MIS18A: variants seen among roughly 807,000 people sequenced by gnomAD.
The protein encoded by MIS18A is protein Mis18-alpha.
A neutral mutation model predicts 25.0 loss-of-function variants in MIS18A; 14 were observed. The observed-to-expected ratio is 0.56, with a 90% confidence interval of 0.37 to 0.88. MIS18A has a LOEUF of 0.88. Among genes scored for constraint, MIS18A ranks in the 40% least tolerant of loss-of-function variants. The pLI is 0.00. For missense variants in MIS18A, 292 were observed against 290.8 expected, an observed-to-expected ratio of 1.00 and a Z score of -0.03; for synonymous variants, 134 against 118.6, an observed-to-expected ratio of 1.13 and a Z score of -0.84.
the MIS18A span, among the ~76,000 whole-genome samples, chr21:32,242,658 AT>A: frequency 1.6e-3 from 246 of 152,094 alleles, no homozygotes; most frequent in African/African-American, 5.7e-3. Context: ...ATCATTAGTC[AT>A]TTTTTTCCCC....
the MIS18A span, among the ~76,000 whole-genome samples, chr21:32,178,226 A>G: frequency 6.6e-6 from 1 of 152,030 alleles, no homozygotes; most frequent in Admixed American, 6.6e-5. Context: ...CATTTCCAGC[A>G]ATTTTTTTTT....
chr21:32,266,620 C>A (rs564285200), downstream of MIS18A, among the ~76,000 whole-genome samples: 4 of 151,818 alleles, frequency 2.6e-5, no homozygotes, highest in African/African-American at 9.7e-5. Context: ...TAACACTCAC[C>A]GCGAAGGTCT....
At chr21:32,179,492 T>C in the MIS18A span, among the ~76,000 whole-genome samples, 2 of 152,114 alleles carry the variant, frequency 1.3e-5, no homozygotes, top group Non-Finnish European at 2.9e-5. Flanking sequence ...TACACTCTAG[T>C]CTTCCAGGAG....
At chr21:32,155,621 G>A in the MIS18A span, among the ~76,000 whole-genome samples, 1 of 152,126 alleles carries the variant, frequency 6.6e-6, no homozygotes, top group African/African-American at 2.4e-5. Flanking sequence ...TTATAATCAG[G>A]TACTTTTTAG....
intron 2 of MIS18A, among the ~76,000 whole-genome samples, chr21:32,272,348 A>C (rs2031728845): frequency 6.6e-6 from 1 of 152,226 alleles, no homozygotes; most frequent in South Asian, 2.1e-4. Context: ...GGTATCAAAA[A>C]ATTCACAAGC....
the MIS18A span, among the ~76,000 whole-genome samples, chr21:32,207,067 A>C: frequency 2.6e-5 from 4 of 152,354 alleles, no homozygotes; most frequent in African/African-American, 9.6e-5. Context: ...GATGAAGTCT[A>C]AATTCCACGC....
the MIS18A span, among the ~76,000 whole-genome samples, chr21:32,249,654 G>A: frequency 1.3e-5 from 2 of 152,262 alleles, no homozygotes; most frequent in South Asian, 2.1e-4. Context: ...GAAAAGAGAC[G>A]TGGCACCGGC....
chr21:32,191,832 G>C, the MIS18A span, among the ~76,000 whole-genome samples: 56 of 152,216 alleles, frequency 3.7e-4, no homozygotes, highest in Admixed American at 7.9e-4. Context: ...TTCAACCCGG[G>C]AGGTGGAGGT....
the MIS18A span, among the ~76,000 whole-genome samples, chr21:32,194,591 A>C: frequency 6.6e-6 from 1 of 152,000 alleles, no homozygotes; most frequent in Non-Finnish European, 1.5e-5. Context: ...CCTGGGAGGC[A>C]GAGGTTTCGG....
downstream of MIS18A, among the ~76,000 whole-genome samples, chr21:32,265,733 G>A (rs961382048): frequency 1.8e-4 from 27 of 152,252 alleles, no homozygotes; most frequent in Admixed American, 1.4e-3. Context: ...GGCACAGGAC[G>A]GGCAGGCAGC....
downstream of MIS18A, among the ~76,000 whole-genome samples, chr21:32,264,237 C>T (rs1207281480): frequency 6.6e-6 from 1 of 151,996 alleles, no homozygotes; most frequent in Non-Finnish European, 1.5e-5. Flanking sequence ...GAAGGATATA[C>T]CTCAAAATGT....
At chr21:32,274,959 G>T in intron 1 of MIS18A, 63 bp from the exon 2 acceptor site, 1 of 1,350,938 alleles carries the variant, frequency 7.4e-7, no homozygotes, top group Non-Finnish European at 1.0e-6. Flanking sequence ...CCTGCAGACA[G>T]AGAGTTTCTA....
At chr21:32,157,882 T>C in the MIS18A span, among the ~76,000 whole-genome samples, 1 of 152,186 alleles carries the variant, frequency 6.6e-6, no homozygotes, top group East Asian at 1.9e-4. Flanking sequence ...AAATTTCCAG[T>C]GGGGGAAAAG....
intron 2 of MIS18A, among the ~76,000 whole-genome samples, chr21:32,271,586 A>C (rs550370866): frequency 4.6e-5 from 7 of 152,320 alleles, no homozygotes; most frequent in Non-Finnish European, 1.0e-4. Context: ...TTACATATTA[A>C]GTGTCTACGG....
chr21:32,277,135 G>A (rs1029140155), intron 1 of MIS18A, among the ~76,000 whole-genome samples: 5 of 152,100 alleles, frequency 3.3e-5, no homozygotes, highest in Non-Finnish European at 7.3e-5. Flanking sequence ...CTTTACTGGG[G>A]GGTGTGGGGA....
At chr21:32,273,639 A>G (rs897164979) in intron 2 of MIS18A, among the ~76,000 whole-genome samples, 9 of 152,184 alleles carry the variant, frequency 5.9e-5, no homozygotes, top group Non-Finnish European at 1.2e-4. Flanking sequence ...TACCACATGT[A>G]TAAGTTGAAA....
the MIS18A span, among the ~76,000 whole-genome samples, chr21:32,172,994 T>C: frequency 6.6e-6 from 1 of 152,092 alleles, no homozygotes; most frequent in South Asian, 2.1e-4. Context: ...GCTAAACCTA[T>C]AAAACTATGA....
intron 2 of MIS18A, among the ~76,000 whole-genome samples, chr21:32,270,897 G>A (rs2031702973): frequency 6.6e-6 from 1 of 152,148 alleles, no homozygotes; most frequent in Admixed American, 6.5e-5. Flanking sequence ...ATTGTAAAAC[G>A]GAAGCACCTA....
the MIS18A span, among the ~76,000 whole-genome samples, chr21:32,209,357 T>C: frequency 6.6e-6 from 1 of 152,182 alleles, no homozygotes. Flanking sequence ...ACTTGCTTAA[T>C]GAACACAGTC....
Sources: gnomAD v4.1 joint callset for allele counts (sites outside exome capture counted in the v4.1 genomes callset) on GRCh38, gnomAD v4.1.1 for gene constraint, MANE v1.5 for transcripts, NCBI Gene and HGNC (gene_info 2026-07-23, HGNC 2026-07-21) for gene names.